NUDCD3: variants seen among roughly 807,000 people sequenced by gnomAD.
NUDCD3 encodes NudC domain containing 3.
A neutral mutation model predicts 39.7 loss-of-function variants in NUDCD3; 13 were observed. The ratio of observed to expected loss-of-function variants is 0.33; its 90% confidence interval spans 0.21 to 0.52. The LOEUF (loss-of-function observed/expected upper bound fraction) is 0.52. NUDCD3 is among the 20% of genes least tolerant of loss of function. The pLI, the probability that NUDCD3 is intolerant of heterozygous loss-of-function variation, is 0.96. For synonymous variants in NUDCD3, 175 were observed against 172.4 expected (o/e 1.02, Z -0.12); for missense variants, 453 against 458.1 (o/e 0.99, Z 0.10).
chr7:44,444,895 GT>G (rs1180486212), intron 2 of NUDCD3, among the ~76,000 whole-genome samples: 1 of 152,198 alleles, frequency 6.6e-6, no homozygotes, highest in Non-Finnish European at 1.5e-5. Flanking sequence ...TCTTGAGTCA[GT>G]TTCTTCCCAC....
chr7:44,467,865 A>C, intron 2 of NUDCD3: 1 of 1,485,062 alleles, frequency 6.7e-7, no homozygotes, highest in Non-Finnish European at 9.3e-7. Context: ...GGCGCTGCCT[A>C]CGGAGGTGGC....
At chr7:44,465,764 A>G (rs1030076797) in intron 2 of NUDCD3, among the ~76,000 whole-genome samples, 1 of 152,148 alleles carries the variant, frequency 6.6e-6, no homozygotes, top group African/African-American at 2.4e-5. Context: ...GAGTGAGAAG[A>G]CCACCAAAGT....
chr7:44,468,213 A>C, intron 2 of NUDCD3: 1 of 1,599,036 alleles, frequency 6.3e-7, no homozygotes, highest in Non-Finnish European at 8.5e-7. Context: ...GTTTCCTCCA[A>C]GAACCGCAAA....
At chr7:44,464,246 C>A (rs1800076475) in intron 2 of NUDCD3, among the ~76,000 whole-genome samples, 1 of 151,168 alleles carries the variant, frequency 6.6e-6, no homozygotes, top group Non-Finnish European at 1.5e-5. Flanking sequence ...GAAAACGAAG[C>A]AAGAATCGTT....
At chr7:44,423,360 T>C (rs1375860960) in intron 3 of NUDCD3, among the ~76,000 whole-genome samples, 7 of 152,190 alleles carry the variant, frequency 4.6e-5, no homozygotes, top group African/African-American at 1.7e-4. Context: ...TTGTCTCTGT[T>C]TGCAGATGAC....
chr7:44,406,690 C>CAAA (rs1798826965), intron 3 of NUDCD3, among the ~76,000 whole-genome samples: 1 of 152,156 alleles, frequency 6.6e-6, no homozygotes, highest in East Asian at 1.9e-4. Context: ...GTGAAGATGT[C>CAAA]ACACTGGGAA....
chr7:44,413,810 T>C (rs1798972604), intron 3 of NUDCD3, among the ~76,000 whole-genome samples: 1 of 152,198 alleles, frequency 6.6e-6, no homozygotes, highest in African/African-American at 2.4e-5. Context: ...CCCAGCACTT[T>C]GGGAGACCAA....
At chr7:44,423,511 G>C (rs1051224776) in intron 3 of NUDCD3, among the ~76,000 whole-genome samples, 1 of 152,098 alleles carries the variant, frequency 6.6e-6, no homozygotes, top group African/African-American at 2.4e-5. Context: ...GACAAGCAGA[G>C]AGCCAAGTCA....
chr7:44,399,702 A>T (rs1798685686), intron 4 of NUDCD3, among the ~76,000 whole-genome samples: 1 of 152,214 alleles, frequency 6.6e-6, no homozygotes, highest in Non-Finnish European at 1.5e-5. Flanking sequence ...GACACTCCAG[A>T]AACAACTCAT....
At chr7:44,410,470 G>A (rs1205279975) in intron 3 of NUDCD3, among the ~76,000 whole-genome samples, 4 of 151,896 alleles carry the variant, frequency 2.6e-5, no homozygotes, top group Non-Finnish European at 5.9e-5. Flanking sequence ...AGACCATCCT[G>A]GCTAACATGG....
chr7:44,407,217 C>T (rs540251084), intron 3 of NUDCD3, among the ~76,000 whole-genome samples: 2 of 151,094 alleles, frequency 1.3e-5, no homozygotes, highest in African/African-American at 2.4e-5. Flanking sequence ...AGTAGACAAA[C>T]CCATCAATAC....
intron 2 of NUDCD3, among the ~76,000 whole-genome samples, chr7:44,454,932 T>C (rs1799864928): frequency 6.7e-6 from 1 of 148,972 alleles, no homozygotes; most frequent in African/African-American, 2.5e-5. Flanking sequence ...GGACCCTGTC[T>C]CAAAACACAC....
At chr7:44,389,496 G>A (rs1025884511) in intron 5 of NUDCD3, among the ~76,000 whole-genome samples, 6 of 152,182 alleles carry the variant, frequency 3.9e-5, no homozygotes, top group Non-Finnish European at 8.8e-5. Context: ...GGCTAACACG[G>A]TGAAACCCCG....
At position 44,400,099 on chromosome 7, in the gene NUDCD3, C is replaced by T. The variant is rs181032939; in HGVS notation, c.786+4341G>A. 2.8e-3 allele frequency among the ~76,000 whole-genome samples: 422 copies of T among 152,366 alleles called. 1 individual carries two copies. The highest frequency in any genetic ancestry group is 3.5e-3 in the Non-Finnish European group (238 of 68,034). ...GAGGACAGCCTGTCAGCTCCCCCGACTGCAGGAAGAAAGGAGGATGGTGCG... is the reference window on the plus strand; with the variant it reads ...GAGGACAGCCTGTCAGCTCCCCCGATTGCAGGAAGAAAGGAGGATGGTGCG... On this transcript the variant is annotated intron_variant, in intron 4 of 5. Coordinates refer to ENST00000355451, the MANE Select transcript of NUDCD3 (RefSeq NM_015332.4).
intron 3 of NUDCD3, among the ~76,000 whole-genome samples, chr7:44,415,489 A>AT (rs999645007): frequency 2.0e-5 from 3 of 152,092 alleles, no homozygotes; most frequent in Non-Finnish European, 4.4e-5. Context: ...TAGCAAGATG[A>AT]TTTTTTTTAA....
At chr7:44,452,777 G>C (rs1403181076) in intron 2 of NUDCD3, among the ~76,000 whole-genome samples, 1 of 152,226 alleles carries the variant, frequency 6.6e-6, no homozygotes, top group Admixed American at 6.5e-5. Flanking sequence ...CCATGTGGCT[G>C]CTCTGTGACT....
intron 2 of NUDCD3, among the ~76,000 whole-genome samples, chr7:44,456,978 G>A (rs1204912081): frequency 8.6e-5 from 13 of 151,822 alleles, no homozygotes; most frequent in Non-Finnish European, 1.5e-4. Context: ...CTCACATCCT[G>A]GGAATTCCCT....
intron 3 of NUDCD3, among the ~76,000 whole-genome samples, chr7:44,419,145 T>C (rs892780978): frequency 2.0e-4 from 30 of 151,776 alleles, no homozygotes; most frequent in African/African-American, 7.0e-4. Context: ...TCGAGCTTGG[T>C]GGGGGGAAGG....
At chr7:44,475,799 G>A (rs1800356752) in intron 2 of NUDCD3, among the ~76,000 whole-genome samples, 1 of 151,434 alleles carries the variant, frequency 6.6e-6, no homozygotes, top group South Asian at 2.1e-4. Context: ...AAGAAAGAAG[G>A]AAAGAAAAGA....
Sources: allele counts gnomAD v4.1 joint callset (sites outside exome capture counted in the v4.1 genomes callset), GRCh38; gene constraint gnomAD v4.1.1; transcripts MANE v1.5; gene names NCBI Gene and HGNC (gene_info 2026-07-23, HGNC 2026-07-21).